The following B3GALT1 variants were observed in gnomAD, a reference collection of about 807,000 sequenced individuals.
B3GALT1 encodes beta-1,3-galactosyltransferase 1, also known as UDP-Gal:betaGlcNAc beta 1,3-galactosyltransferase, polypeptide 1.
B3GALT1 carries 10 observed loss-of-function variants against 23.2 expected under a neutral mutation model. The observed-to-expected ratio is 0.43, with a 90% confidence interval of 0.27 to 0.73. B3GALT1 has a LOEUF of 0.73. Among genes scored for constraint, B3GALT1 ranks in the 30% least tolerant of loss-of-function variants. B3GALT1 has a pLI of 0.21. For synonymous variants in B3GALT1, 156 were observed against 141.5 expected (o/e 1.10, Z -0.73); for missense variants, 299 against 405.4 (o/e 0.74, Z 2.25).
At chr2:167,482,975 C>T (rs1364192291) in intron 1 of B3GALT1, among the ~76,000 whole-genome samples, 1 of 152,150 alleles carries the variant, frequency 6.6e-6, no homozygotes, top group Non-Finnish European at 1.5e-5. Flanking sequence ...CTTTTGCTAT[C>T]TCTGTTCTTT....
At chr2:167,666,931 G>T (rs1297685856) in intron 3 of B3GALT1, among the ~76,000 whole-genome samples, 2 of 151,988 alleles carry the variant, frequency 1.3e-5, no homozygotes, top group African/African-American at 4.8e-5. Flanking sequence ...CTTTTAATTG[G>T]AGCATTTAGT....
chr2:167,868,866 A>C lies in B3GALT1; in HGVS notation c.-174A>C. 1.5e-6 allele frequency: 1 copy of C among 664,790 alleles called. No individual in the cohort carries two copies. The highest frequency in any genetic ancestry group is 2.4e-6 in the Non-Finnish European group (1 of 408,814). The allele number at this position is 664,790 out of a possible 1,614,324, so 41.2% of individuals were successfully genotyped here. A position where few individuals can be genotyped will look rare whatever the true frequency, so the allele number is the denominator to read the frequency against. On this transcript the variant is annotated 5_prime_UTR_variant, in exon 5 of 5. The change abolishes the stop of an existing upstream ORF in the 5' untranslated region. Coordinates refer to ENST00000392690, the MANE Select transcript of B3GALT1 (RefSeq NM_020981.4). The stretch of plus-strand genomic sequence containing the variant: ...CCCTCCATCAGATTTGGAAGAAAGT[A>C]GAATGAGCGCAGAGGTGACAGACAG...
intron 4 of B3GALT1, among the ~76,000 whole-genome samples, chr2:167,828,409 G>T (rs1336753938): frequency 6.6e-6 from 1 of 152,276 alleles, no homozygotes; most frequent in African/African-American, 2.4e-5. Context: ...GTGTTCTGTG[G>T]GAATGTGACA....
At chr2:167,809,243 C>G (rs1046788091) in intron 3 of B3GALT1, among the ~76,000 whole-genome samples, 3 of 152,186 alleles carry the variant, frequency 2.0e-5, no homozygotes, top group African/African-American at 7.2e-5. Flanking sequence ...CCTCCTTTAG[C>G]TCGGAGTAGT....
chr2:167,843,816 G>C (rs981083549), intron 4 of B3GALT1, among the ~76,000 whole-genome samples: 2 of 152,160 alleles, frequency 1.3e-5, no homozygotes, highest in African/African-American at 4.8e-5. Context: ...AGCCAGGTTG[G>C]GAAGTTATGA....
At chr2:167,329,803 T>G (rs961413693) in intron 1 of B3GALT1, among the ~76,000 whole-genome samples, 2 of 29,952 alleles carry the variant, frequency 6.7e-5, no homozygotes, top group African/African-American at 8.4e-5. Flanking sequence ...AACTGGCAGT[T>G]TTTGTTTTGT....
chr2:167,344,506 A>G (rs1449545261), intron 1 of B3GALT1, among the ~76,000 whole-genome samples: 1 of 152,190 alleles, frequency 6.6e-6, no homozygotes, highest in Non-Finnish European at 1.5e-5. Flanking sequence ...CAATTTGTGT[A>G]ACTCTTCTTG....
intron 1 of B3GALT1, among the ~76,000 whole-genome samples, chr2:167,325,702 C>CTTTTTTTTTTTTTTTTTTTTTT (rs61066636): frequency 1.8e-5 from 2 of 110,568 alleles, no homozygotes; most frequent in African/African-American, 3.3e-5. Context: ...ACCCTGTTTT[C>CTTTTTTTTTTTTTTTTTTTTTT]TTTTTTTTTT....
At chr2:167,377,846 G>A (rs1275798318) in intron 1 of B3GALT1, among the ~76,000 whole-genome samples, 1 of 152,030 alleles carries the variant, frequency 6.6e-6, no homozygotes, top group Non-Finnish European at 1.5e-5. Flanking sequence ...AATATGTGAG[G>A]TTTTAATCCT....
chr2:167,684,194 G>A (rs776258297), intron 3 of B3GALT1, among the ~76,000 whole-genome samples: 9 of 152,150 alleles, frequency 5.9e-5, no homozygotes, highest in Admixed American at 3.3e-4. Context: ...TGTACCCCCA[G>A]TATCTAGAAA....
intron 2 of B3GALT1, among the ~76,000 whole-genome samples, chr2:167,594,789 C>T (rs1234893): frequency 0.072 from 10,871 of 151,978 alleles, 795 homozygotes; most frequent in African/African-American, 0.19. Flanking sequence ...GCCTGTAATC[C>T]GAGCTACTTG....
At chr2:167,729,699 T>A (rs946592433) in intron 3 of B3GALT1, among the ~76,000 whole-genome samples, 1 of 152,168 alleles carries the variant, frequency 6.6e-6, no homozygotes, top group African/African-American at 2.4e-5. Flanking sequence ...AATCATCACA[T>A]CCATCCGTCC....
chr2:167,325,238 G>A (rs1696875094), intron 1 of B3GALT1, among the ~76,000 whole-genome samples: 1 of 151,832 alleles, frequency 6.6e-6, no homozygotes, highest in African/African-American at 2.4e-5. Flanking sequence ...CCAGAGTTGT[G>A]TTTTAGTTTG....
intron 2 of B3GALT1, among the ~76,000 whole-genome samples, chr2:167,600,617 A>G (rs1684858269): frequency 6.6e-6 from 1 of 151,642 alleles, no homozygotes; most frequent in South Asian, 2.1e-4. Context: ...TGGATATCTC[A>G]TATAATGGAA....
intron 2 of B3GALT1, among the ~76,000 whole-genome samples, chr2:167,519,927 C>T (rs547584169): frequency 6.6e-6 from 1 of 151,962 alleles, no homozygotes; most frequent in African/African-American, 2.4e-5. Flanking sequence ...CAAAAATTAG[C>T]CAGGCCTGGT....
intron 1 of B3GALT1, among the ~76,000 whole-genome samples, chr2:167,468,536 A>T (rs929746990): frequency 2.0e-5 from 3 of 152,184 alleles, no homozygotes; most frequent in Non-Finnish European, 4.4e-5. Context: ...ATAAAAATGA[A>T]TTTTTCCAAC....
At chr2:167,411,060 C>T (rs1434476796) in intron 1 of B3GALT1, among the ~76,000 whole-genome samples, 1 of 151,546 alleles carries the variant, frequency 6.6e-6, no homozygotes, top group East Asian at 1.9e-4. Context: ...TAAACCTGCT[C>T]TAAAAATGTC....
intron 3 of B3GALT1, among the ~76,000 whole-genome samples, chr2:167,720,065 C>A (rs1366685403): frequency 6.6e-6 from 1 of 152,106 alleles, no homozygotes; most frequent in African/African-American, 2.4e-5. Flanking sequence ...TGTGTGGTTT[C>A]CTTTACATCA....
At chr2:167,308,904 A>G (rs1048583442) in intron 1 of B3GALT1, among the ~76,000 whole-genome samples, 1 of 151,554 alleles carries the variant, frequency 6.6e-6, no homozygotes, top group Non-Finnish European at 1.5e-5. Context: ...TCAGTGATAA[A>G]CTCCTTTTGG....
Sources: allele counts gnomAD v4.1 joint callset (sites outside exome capture counted in the v4.1 genomes callset), GRCh38; gene constraint gnomAD v4.1.1; transcripts MANE v1.5; gene names NCBI Gene and HGNC (gene_info 2026-07-23, HGNC 2026-07-21).